The following RUFY1 variants were observed in gnomAD, a reference collection of about 807,000 sequenced individuals.
RUFY1 encodes RUN and FYVE domain-containing protein 1.
RUFY1 carries 54 observed loss-of-function variants against 94.6 expected under a neutral mutation model. The observed-to-expected ratio is 0.57, with a 90% CI of 0.46 to 0.72. RUFY1 has a LOEUF of 0.72. Among genes scored for constraint, RUFY1 ranks in the 30% least tolerant of loss-of-function variants. The pLI is 0.00. For synonymous variants in RUFY1, 396 were observed against 347.3 expected (o/e 1.14, Z -1.56); for missense variants, 883 against 883.9 (o/e 1.00, Z 0.01).
chr5:179,606,900 TG>T (rs1767144526), intron 16 of RUFY1: 1 of 152,718 alleles, frequency 6.5e-6, no homozygotes, highest in East Asian at 1.9e-4. Context: ...CTCATGCCTT[TG>T]ACTTCTCTGG....
Position 179,609,943 on chromosome 5 carries a change from A to AAG in RUFY1, c.*428_*429dup, listed in dbSNP as rs1767563085. On this transcript the variant is annotated 3_prime_UTR_variant, in exon 18 of 18. Coordinates refer to ENST00000319449, the MANE Select transcript of RUFY1 (RefSeq NM_025158.5). ...CCAGTGTGCCTTCTCTGCTTCAGAC[A>AAG]AGAGATCTGCCATTTCATGCCCTTG... 6.4e-6 allele frequency: 1 copy of AAG among 157,150 alleles called. No individual in the cohort carries two copies. The highest frequency in any genetic ancestry group is 2.0e-4 in the South Asian group (1 of 5,004). 9.7% of individuals were successfully genotyped at this position (157,150 alleles called of 1,614,324 possible).
rs569387683 is a variant in RUFY1 at position 179,601,770 on chromosome 5, G to A, written c.1762-122G>A. Reference sequence around the variant, plus strand: ...GGAGGCGGAGGTTGCAGTGAGCCAAGATCGTGCCACTGCACTCCAGCCTGG... The same window carrying A: ...GGAGGCGGAGGTTGCAGTGAGCCAAAATCGTGCCACTGCACTCCAGCCTGG... On this transcript the variant is annotated intron_variant, in intron 14 of 17. Transcript: ENST00000319449. 30 of 695,034 alleles carry A rather than the reference G, an allele frequency of 4.3e-5. No homozygotes were observed. The African/African-American group carries it at 5.3e-4, about 12-fold the overall frequency. 43.1% of individuals were successfully genotyped at this position (695,034 alleles called of 1,614,324 possible).
chr5:179,585,702 C>A, intron 7 of RUFY1, 94 bp from the exon 8 acceptor site: 1 of 911,680 alleles, frequency 1.1e-6, no homozygotes, highest in Non-Finnish European at 1.8e-6. Flanking sequence ...CCATTTCATA[C>A]AGGAAATCTA....
rs68093858 is a variant in RUFY1, at chr5:179,560,725, C to CAA, written c.484+544_484+545dup. Among the ~76,000 whole-genome samples, 49 of 78,754 alleles carry CAA rather than the reference C, an allele frequency of 6.2e-4. 1 individual carries two copies. Among genetic ancestry groups the CAA allele is most frequent in the African/African-American group, 1.2e-3 (25 of 21,592 alleles). The allele number at this position is 78,754 out of a possible 152,430, so 51.7% of individuals were successfully genotyped here. ...TGGGCAACAGAGCAAGACTCCGTCT[C>CAA]AAAAAAAAAAAAAAAAAAGAAAAAA... On this transcript the variant is annotated intron_variant, in intron 2 of 17. Coordinates refer to ENST00000319449, the MANE Select transcript of RUFY1 (RefSeq NM_025158.5).
At chr5:179,557,840 GCT>G (rs1443276670) in intron 1 of RUFY1, among the ~76,000 whole-genome samples, 3 of 152,076 alleles carry the variant, frequency 2.0e-5, no homozygotes, top group Non-Finnish European at 4.4e-5. Flanking sequence ...GCAGTAAAAG[GCT>G]GGTCTTCATG....
chr5:179,591,874 T>C lies in RUFY1; in HGVS notation c.1245+133T>C, dbSNP rs891377718. The stretch of plus-strand genomic sequence containing the variant: ...GAAGCTGTTCATTAAAAAAATTTTT[T>C]TTAAGTCTATGGTTACAACTCAGTT... On this transcript the variant is annotated intron_variant, in intron 10 of 17. Transcript: ENST00000319449. 3 of 545,364 alleles carry C rather than the reference T, an allele frequency of 5.5e-6. No homozygotes were observed. The East Asian group carries it at 9.1e-5, about 17-fold the overall frequency. 33.8% of individuals were successfully genotyped at this position (545,364 alleles called of 1,614,324 possible). A position where few individuals can be genotyped will look rare whatever the true frequency, so the allele number is the denominator to read the frequency against.
chr5:179,569,826 C>G (rs565920105), intron 5 of RUFY1, among the ~76,000 whole-genome samples: 4 of 152,216 alleles, frequency 2.6e-5, no homozygotes, highest in African/African-American at 9.6e-5. Context: ...CTCCCTGCAA[C>G]CTCCGCCTCC....
intron 7 of RUFY1, among the ~76,000 whole-genome samples, chr5:179,585,054 C>T (rs554788790): frequency 9.3e-4 from 141 of 152,102 alleles, no homozygotes; most frequent in African/African-American, 3.4e-3. Context: ...TCACCTGAAC[C>T]CAGGAGGTGG....
chr5:179,592,584 A>G (rs1765209244), intron 10 of RUFY1, among the ~76,000 whole-genome samples: 1 of 152,174 alleles, frequency 6.6e-6, no homozygotes, highest in East Asian at 1.9e-4. Flanking sequence ...TTGCTATGAG[A>G]CCAGATTAAC....
intron 3 of RUFY1, among the ~76,000 whole-genome samples, chr5:179,566,225 GTTCT>G (rs537896256): frequency 2.6e-5 from 4 of 151,598 alleles, no homozygotes; most frequent in East Asian, 1.9e-4. Flanking sequence ...ATGCAGGCCT[GTTCT>G]TTCTTTCTTT....
chr5:179,576,363 A>G (rs2127533146), intron 5 of RUFY1, among the ~76,000 whole-genome samples: 1 of 152,296 alleles, frequency 6.6e-6, no homozygotes, highest in African/African-American at 2.4e-5. Flanking sequence ...CCATTTTACC[A>G]AGATTTGGGG....
intron 3 of RUFY1, among the ~76,000 whole-genome samples, chr5:179,564,420 G>GA (rs1762671041): frequency 8.1e-6 from 1 of 123,662 alleles, no homozygotes; most frequent in African/African-American, 3.0e-5. Context: ...GTGCCTGGCT[G>GA]TTTTTTTTTT....
At chr5:179,608,859 T>A (rs1258686859) in intron 17 of RUFY1, among the ~76,000 whole-genome samples, 1 of 146,576 alleles carries the variant, frequency 6.8e-6, no homozygotes, top group Non-Finnish European at 1.5e-5. Context: ...TGAACCCAGG[T>A]GGCAGAGGTT....
At chr5:179,573,889 G>A (rs550222641) in intron 5 of RUFY1, among the ~76,000 whole-genome samples, 1 of 152,208 alleles carries the variant, frequency 6.6e-6, no homozygotes, top group Middle Eastern at 3.4e-3. Context: ...CTATCAACAT[G>A]TCAACCTGCT....
intron 12 of RUFY1, chr5:179,596,188 G>A (rs190522944): frequency 1.9e-5 from 6 of 315,134 alleles, no homozygotes; most frequent in Non-Finnish European, 3.0e-5. Flanking sequence ...CTTTCAGGAC[G>A]TTCAGAGAGG....
At chr5:179,594,375 G>T (rs189600540) in intron 11 of RUFY1, among the ~76,000 whole-genome samples, 113 of 151,130 alleles carry the variant, frequency 7.5e-4, no homozygotes, top group African/African-American at 2.4e-3. Flanking sequence ...TGAGTCTTCC[G>T]GGCCACATAG....
At chr5:179,595,513 C>T (rs1765543621) in intron 12 of RUFY1, among the ~76,000 whole-genome samples, 1 of 151,726 alleles carries the variant, frequency 6.6e-6, no homozygotes, top group South Asian at 2.1e-4. Flanking sequence ...TCTGTTAGGG[C>T]AGCTACGGTT....
chr5:179,608,728 C>T (rs1049474127), intron 17 of RUFY1: 2 of 652,312 alleles, frequency 3.1e-6, no homozygotes, highest in Admixed American at 1.3e-4. Context: ...AAGTTCAAGA[C>T]CAGTCTGGCC....
chr5:179,567,623 G>A (rs1158167706), intron 4 of RUFY1, 61 bp downstream of exon 4: 1 of 1,233,832 alleles, frequency 8.1e-7, no homozygotes, highest in East Asian at 2.4e-5. Flanking sequence ...CATAGGCTGG[G>A]TGCGGTGGCT....
Sources: gnomAD v4.1 joint callset for allele counts (sites outside exome capture counted in the v4.1 genomes callset) on GRCh38, gnomAD v4.1.1 for gene constraint, MANE v1.5 for transcripts, NCBI Gene and HGNC (gene_info 2026-07-23, HGNC 2026-07-21) for gene names.